Variants in ABCA13 observed in about 807,000 individuals in gnomAD.
ABCA13 encodes the protein ATP-binding cassette sub-family A member 13.
A neutral mutation model predicts 478.7 loss-of-function variants in ABCA13; 476 were observed. That is an observed-to-expected ratio of 0.99 (90% CI 0.92 to 1.07). The LOEUF is 1.07. ABCA13 is among the 50% of genes least tolerant of loss of function. The pLI is 0.00. For missense variants in ABCA13, 6,060 were observed against 5,910.6 expected, an observed-to-expected ratio of 1.03 and a Z score of -0.83; for synonymous variants, 2,252 against 2,158.9, an observed-to-expected ratio of 1.04 and a Z score of -1.20.
At chr7:48,219,332 G>A in intron 3 of ABCA13, 22 bp from the exon 4 acceptor site, 1 of 1,575,062 alleles carries the variant, frequency 6.3e-7, no homozygotes, top group Non-Finnish European at 8.6e-7. Flanking sequence ...AGTTTCACTT[G>A]CAGTATTTAT....
intron 58 of ABCA13, among the ~76,000 whole-genome samples, chr7:48,605,462 G>A (rs1001515323): frequency 6.6e-6 from 1 of 151,670 alleles, no homozygotes; most frequent in Non-Finnish European, 1.5e-5. Flanking sequence ...TGTCTGTAAA[G>A]GATTTGCTTG....
chr7:48,274,800 T>C lies in ABCA13; in HGVS notation c.5134T>C (p.Leu1712=). The change falls in exon 17 of 62, where the codon TTG becomes CTG. Residue 1712 remains leucine (L), a synonymous_variant. Coordinates refer to ENST00000435803, the MANE Select transcript of ABCA13 (RefSeq NM_152701.5). ...TTTAGTGGTCAATTTGCTTGTTGGC[T>C]TGATGGAAAAATTTGCAGACAGCTC... ...GNLVVNLLVG[L]MEKFADSSHS... 6.2e-7 allele frequency: 1 copy of C among 1,613,976 alleles called. No individual in the cohort carries two copies. Among genetic ancestry groups the C allele is most frequent in the Non-Finnish European group, 8.5e-7 (1 of 1,179,866 alleles).
At chr7:48,556,086 T>TTAATTTCCATGTGTCTCTG (rs1295636217) in intron 55 of ABCA13, among the ~76,000 whole-genome samples, 1 of 151,888 alleles carries the variant, frequency 6.6e-6, no homozygotes, top group African/African-American at 2.4e-5. Flanking sequence ...ATCATATTGT[T>TTAATTTCCATGTGTCTCTG]TAATTTCCAT....
chr7:48,420,319 G>A lies in ABCA13; in HGVS notation c.12460-7447G>A, dbSNP rs138972937. 8.3e-4 allele frequency among the ~76,000 whole-genome samples: 127 copies of A among 152,256 alleles called. 1 individual carries two copies. In the East Asian group the frequency reaches 0.023, roughly 27 times the overall value. On this transcript the variant is annotated intron_variant, in intron 41 of 61. Transcript: ENST00000435803. ...AGTCACCAGTTTCATTAAGGCATCT[G>A]TACTTTCTACTCCAATGCTTGGACC...
At chr7:48,574,266 ATC>A (rs1239386134) in intron 55 of ABCA13, among the ~76,000 whole-genome samples, 1 of 152,178 alleles carries the variant, frequency 6.6e-6, no homozygotes, top group Non-Finnish European at 1.5e-5. Context: ...AGATAAAATT[ATC>A]TCAGAAAATG....
chr7:48,491,280 A>G (rs1477502249), intron 48 of ABCA13, among the ~76,000 whole-genome samples: 1 of 152,222 alleles, frequency 6.6e-6, no homozygotes, highest in South Asian at 2.1e-4. Context: ...CAAATGATAG[A>G]TAAAGGTGTT....
chr7:48,210,552 T>G (rs1274701344), intron 3 of ABCA13, among the ~76,000 whole-genome samples: 2 of 152,136 alleles, frequency 1.3e-5, no homozygotes, highest in African/African-American at 4.8e-5. Flanking sequence ...TTTTGATTTT[T>G]TTTTAAACAA....
chr7:48,428,741 A>C (rs1036126656), intron 42 of ABCA13, among the ~76,000 whole-genome samples: 3 of 152,190 alleles, frequency 2.0e-5, no homozygotes, highest in Non-Finnish European at 4.4e-5. Context: ...TTTAATTTGC[A>C]TTCTCCTAAT....
intron 29 of ABCA13, 138 bp downstream of exon 29, chr7:48,338,593 A>T: frequency 1.8e-6 from 1 of 568,322 alleles, no homozygotes; most frequent in East Asian, 3.1e-5. Context: ...CTATTTTCTT[A>T]TCTGGATCCT....
intron 51 of ABCA13, among the ~76,000 whole-genome samples, chr7:48,514,600 G>T (rs1238380700): frequency 6.6e-6 from 1 of 152,140 alleles, no homozygotes; most frequent in Non-Finnish European, 1.5e-5. Flanking sequence ...AAAAATACTT[G>T]CAATTCTGTG....
At chr7:48,567,313 A>G (rs1180587554) in intron 55 of ABCA13, among the ~76,000 whole-genome samples, 1 of 152,134 alleles carries the variant, frequency 6.6e-6, no homozygotes, top group East Asian at 1.9e-4. Flanking sequence ...AAAAATGAGT[A>G]TGGGCCTTGG....
intron 41 of ABCA13, among the ~76,000 whole-genome samples, chr7:48,419,419 G>A (rs1301812748): frequency 6.6e-6 from 1 of 152,092 alleles, no homozygotes; most frequent in Admixed American, 6.5e-5. Flanking sequence ...TACTTCATAT[G>A]TAAAATTCCT....
rs1815629291 is a variant in ABCA13, at chr7:48,389,034, T to A, written c.11474-6T>A. 6.2e-7 allele frequency: 1 copy of A among 1,612,836 alleles called. No homozygotes were observed. Among genetic ancestry groups the A allele is most frequent in the South Asian group, 1.1e-5 (1 of 90,842 alleles). On this transcript the variant is annotated splice_polypyrimidine_tract_variant and splice_region_variant and intron_variant, in intron 36 of 61. Transcript: ENST00000435803. The stretch of plus-strand genomic sequence containing the variant: ...TTTTCACAATGAATTTTCATCTCTC[T>A]CACAGGGTCATCACTGCAAAACAGG...
Position 48,452,084 on chromosome 7 carries a change from T to C in ABCA13, c.12566-2953T>C, listed in dbSNP as rs980318738. Reference sequence around the variant, plus strand: ...TAGCCCTTTATTTTTCTCATTTATGTCCAATTAACATATACGGGAAGGTGG... The same window carrying C: ...TAGCCCTTTATTTTTCTCATTTATGCCCAATTAACATATACGGGAAGGTGG... On this transcript the variant is annotated intron_variant, in intron 42 of 61. Transcript: ENST00000435803. Among the ~76,000 whole-genome samples the C allele has an allele frequency of 6.6e-5, 10 of 152,342 alleles. No homozygotes were observed. In the South Asian group the frequency reaches 2.1e-3, roughly 32 times the overall value.
At chr7:48,238,757 C>T (rs996522466) in intron 8 of ABCA13, among the ~76,000 whole-genome samples, 1 of 152,220 alleles carries the variant, frequency 6.6e-6, no homozygotes, top group South Asian at 2.1e-4. Context: ...CGTGAGCCAC[C>T]GTGCCCAGCC....
At chr7:48,514,541 C>T (rs1831965721) in intron 51 of ABCA13, among the ~76,000 whole-genome samples, 1 of 152,166 alleles carries the variant, frequency 6.6e-6, no homozygotes, top group Admixed American at 6.5e-5. Flanking sequence ...ATTACAGCTG[C>T]CCCAAAATTT....
At chr7:48,415,356 C>A (rs946838759) in intron 41 of ABCA13, among the ~76,000 whole-genome samples, 2 of 151,998 alleles carry the variant, frequency 1.3e-5, no homozygotes, top group Non-Finnish European at 2.9e-5. Flanking sequence ...TCAAAAAAGC[C>A]CAGACTTCTT....
rs754663767 is a variant in ABCA13 at position 48,272,108 on chromosome 7, G to A, written c.2442G>A (p.Lys814=). The change falls in exon 17 of 62, where the codon AAG becomes AAA. Residue 814 remains lysine (K), a synonymous_variant. Transcript: ENST00000435803. ...CTCTCGGAAGTCACTGGATAAGGAA[G>A]GAACCAAAAAATCTTTTGAGATTCA... ...MQTLGSHWIR[K]EPKNLLRFIE... is the part of the protein sequence containing the mutation. The A allele has an allele frequency of 8.7e-6, 14 of 1,613,442 alleles. No individual in the cohort carries two copies. The South Asian group carries it at 1.5e-4, about 18-fold the overall frequency.
intron 35 of ABCA13, among the ~76,000 whole-genome samples, chr7:48,386,817 T>C (rs1484215155): frequency 6.6e-6 from 1 of 152,196 alleles, no homozygotes; most frequent in Non-Finnish European, 1.5e-5. Context: ...ATTTAGGACA[T>C]AGTCACGGAC....
Sources: allele counts gnomAD v4.1 joint callset (sites outside exome capture counted in the v4.1 genomes callset), GRCh38; gene constraint gnomAD v4.1.1; transcripts MANE v1.5; gene names NCBI Gene and HGNC (gene_info 2026-07-23, HGNC 2026-07-21).